FAM228B: variants seen among roughly 807,000 people sequenced by gnomAD.
FAM228B encodes the protein protein FAM228B.
Under a neutral mutation model 42.6 loss-of-function variants are expected in FAM228B, and 38 were observed. The observed-to-expected ratio is 0.89, with a 90% CI of 0.69 to 1.17. The LOEUF is 1.17. FAM228B is among the 50% of genes most tolerant of loss of function. The probability of loss-of-function intolerance (pLI) is 0.00; values close to 1 mark genes in which losing one functional copy is unlikely to be tolerated. For missense variants in FAM228B, 344 were observed against 367.3 expected (o/e 0.94, Z 0.52); for synonymous variants, 109 against 122.3 (o/e 0.89, Z 0.72).
intron 3 of FAM228B, among the ~76,000 whole-genome samples, chr2:24,116,025 A>G (rs562472990): frequency 6.6e-6 from 1 of 152,106 alleles, no homozygotes; most frequent in South Asian, 2.1e-4. Context: ...GTATTCTATG[A>G]CCTAGACTTA....
chr2:24,081,847 C>A (rs1329533802), intron 2 of FAM228B, among the ~76,000 whole-genome samples: 2 of 152,004 alleles, frequency 1.3e-5, no homozygotes, highest in Non-Finnish European at 2.9e-5. Flanking sequence ...AGGTGCCCAC[C>A]ACCACGCCCA....
At chr2:24,145,456 A>G (rs1383809329) in intron 5 of FAM228B, among the ~76,000 whole-genome samples, 1 of 152,290 alleles carries the variant, frequency 6.6e-6, no homozygotes, top group Non-Finnish European at 1.5e-5. Flanking sequence ...AACACCATAG[A>G]CACGTCTCCA....
At chr2:24,142,950 T>TA (rs1666790485) in intron 5 of FAM228B, among the ~76,000 whole-genome samples, 1 of 152,190 alleles carries the variant, frequency 6.6e-6, no homozygotes, top group South Asian at 2.1e-4. Context: ...CCCCAAATGT[T>TA]ACAAAATTAC....
chr2:24,078,835 G>T (rs1315374837), intron 1 of FAM228B: 1 of 152,546 alleles, frequency 6.6e-6, no homozygotes, highest in African/African-American at 2.4e-5. Flanking sequence ...TCCCAAAGGT[G>T]GTACCTGCTA....
Position 24,084,217 on chromosome 2 carries a change from C to G in FAM228B, c.-210+3262C>G, listed in dbSNP as rs1665148157. On this transcript the variant is annotated intron_variant, in intron 2 of 10. Transcript: ENST00000613899. The surrounding 1 kb of genome is among the most constrained non-coding windows in gnomAD (Gnocchi z 8.4). Reference sequence around the variant, plus strand: ...CATTAAGTCCGCCCGGTTCAGGGCGCTGGCCGCCACCTTCAGGAGGACTTC... The same window carrying G: ...CATTAAGTCCGCCCGGTTCAGGGCGGTGGCCGCCACCTTCAGGAGGACTTC... 6.2e-7 allele frequency: 1 copy of G among 1,613,664 alleles called. No homozygotes were observed. Among genetic ancestry groups the G allele is most frequent in the African/African-American group, 1.3e-5 (1 of 74,942 alleles).
chr2:24,107,987 C>T (rs1369341953), intron 3 of FAM228B, among the ~76,000 whole-genome samples: 3 of 152,018 alleles, frequency 2.0e-5, no homozygotes, highest in South Asian at 2.1e-4. Flanking sequence ...ATCCAGAAAT[C>T]GGTTCTTTGA....
At position 24,077,894 on chromosome 2, in the gene FAM228B, T is replaced by C; in HGVS notation, c.-290+925T>C. 1 of 892,794 alleles carries C rather than the reference T, an allele frequency of 1.1e-6. No individual in the cohort carries two copies. Among genetic ancestry groups the C allele is most frequent in the Non-Finnish European group, 1.7e-6 (1 of 590,180 alleles). The allele number at this position is 892,794 out of a possible 1,614,324, so 55.3% of individuals were successfully genotyped here. On this transcript the variant is annotated intron_variant, in intron 1 of 10. Coordinates refer to the FAM228B transcript ENST00000613899. The surrounding 1 kb of genome is among the most constrained non-coding windows in gnomAD (Gnocchi z 5.5). ...ACACAGGGACACTTAACCCCTCACT[T>C]CCTAGCATGTGTGTGAAATACCCTT...
At chr2:24,120,196 G>A (rs1666059777), upstream of FAM228B, among the ~76,000 whole-genome samples, 1 of 152,058 alleles carries the variant, frequency 6.6e-6, no homozygotes, top group South Asian at 2.1e-4. Context: ...TTGAACCCAG[G>A]AGGTGGAGGT....
chr2:24,087,995 G>A (rs34018329), intron 2 of FAM228B, among the ~76,000 whole-genome samples: 18,141 of 151,864 alleles, frequency 0.12, 1,258 homozygotes, highest in South Asian at 0.18. Context: ...CACCTGCCTC[G>A]GCCTTCCAAA....
At chr2:24,144,329 C>T (rs573490013) in intron 5 of FAM228B, among the ~76,000 whole-genome samples, 9 of 152,068 alleles carry the variant, frequency 5.9e-5, no homozygotes, top group Admixed American at 2.0e-4. Flanking sequence ...CCCAGCCACT[C>T]GGGAGGTGGA....
chr2:24,146,873 A>G (rs745611330), intron 6 of FAM228B, 38 bp downstream of exon 6: 1 of 1,536,798 alleles, frequency 6.5e-7, no homozygotes, highest in Non-Finnish European at 8.8e-7. Context: ...TTCATAGCCC[A>G]AGAGCAATGG....
At position 24,169,541 on chromosome 2, in the gene FAM228B, G is replaced by A. The variant is rs1667520388; in HGVS notation, c.*200G>A. The A allele has an allele frequency of 3.4e-6, 1 of 291,626 alleles. No homozygotes were observed. The highest frequency in any genetic ancestry group is 2.2e-5 in the African/African-American group (1 of 46,420). 18.1% of individuals were successfully genotyped at this position (291,626 alleles called of 1,614,324 possible). ...GAACTTCCTTTAATTTTTGAGTTCA[G>A]TGTCTGTGATAATTAAGAAATGGCA... On this transcript the variant is annotated 3_prime_UTR_variant, in exon 11 of 11. Coordinates refer to ENST00000615575, the MANE Select transcript of FAM228B (RefSeq NM_001145710.2). The surrounding 1 kb of genome is among the most constrained non-coding windows in gnomAD (Gnocchi z 4.2).
intron 9 of FAM228B, among the ~76,000 whole-genome samples, chr2:24,167,075 G>A (rs1267832414): frequency 3.9e-5 from 6 of 152,254 alleles, no homozygotes; most frequent in Middle Eastern, 3.4e-3. Flanking sequence ...GTCTGGAGTA[G>A]GGGGGAAATC....
intron 4 of FAM228B, among the ~76,000 whole-genome samples, chr2:24,138,491 C>T (rs554225288): frequency 6.6e-6 from 1 of 152,032 alleles, no homozygotes; most frequent in African/African-American, 2.4e-5. Context: ...CATGTGCCAC[C>T]ACACTGGCTA....
intron 3 of FAM228B, among the ~76,000 whole-genome samples, chr2:24,112,748 T>C (rs1364519057): frequency 1.3e-5 from 2 of 152,212 alleles, no homozygotes; most frequent in East Asian, 3.8e-4. Flanking sequence ...TCTGAGTGAC[T>C]CCAAGGAGAG....
chr2:24,132,118 G>A (rs1349844365), intron 2 of FAM228B, among the ~76,000 whole-genome samples: 6 of 152,132 alleles, frequency 3.9e-5, no homozygotes, highest in African/African-American at 1.4e-4. Context: ...TTCTGTTTAT[G>A]TGATGGATTA....
At chr2:24,102,675 T>C (rs1348587352) in intron 3 of FAM228B, among the ~76,000 whole-genome samples, 1 of 152,020 alleles carries the variant, frequency 6.6e-6, no homozygotes, top group Non-Finnish European at 1.5e-5. Flanking sequence ...GAGGTGGAGG[T>C]TGCAGTGAGC....
chr2:24,084,407 A>T lies in FAM228B; in HGVS notation c.-210+3452A>T. The T allele has an allele frequency of 7.0e-7, 1 of 1,437,704 alleles. No homozygotes were observed. The highest frequency in any genetic ancestry group is 9.2e-7 in the Non-Finnish European group (1 of 1,081,098). 89.1% of individuals were successfully genotyped at this position (1,437,704 alleles called of 1,614,324 possible). On this transcript the variant is annotated intron_variant, in intron 2 of 10. Coordinates refer to the FAM228B transcript ENST00000613899. The surrounding 1 kb of genome is among the most constrained non-coding windows in gnomAD (Gnocchi z 8.4). ...AGGACAGGACAGGGCAGGGCAGGAC[A>T]GGACAGGGCAGGGGCCGCTGTATCC...
chr2:24,094,016 G>C (rs1310498453), intron 2 of FAM228B, among the ~76,000 whole-genome samples: 2 of 147,496 alleles, frequency 1.4e-5, no homozygotes, highest in African/African-American at 5.0e-5. Flanking sequence ...GATCCCTGAG[G>C]AATCGCCACA....
Sources: allele counts gnomAD v4.1 joint callset (sites outside exome capture counted in the v4.1 genomes callset), GRCh38; gene constraint gnomAD v4.1.1; non-coding constraint Gnocchi (gnomAD v3.1); transcripts MANE v1.5; gene names NCBI Gene and HGNC (gene_info 2026-07-23, HGNC 2026-07-21).